HYCC1: variants seen among roughly 807,000 people sequenced by gnomAD.
The protein encoded by HYCC1 is hyccin PI4KA lipid kinase complex subunit 1, also known as hyccin.
chr7:22,928,888 T>A, the HYCC1 span, among the ~76,000 whole-genome samples: 1 of 151,716 alleles, frequency 6.6e-6, no homozygotes, highest in African/African-American at 2.4e-5. Flanking sequence ...GCCAAGTCAA[T>A]CCTAAGCCAA....
the HYCC1 span, chr7:22,942,425 G>C: frequency 6.6e-6 from 1 of 152,136 alleles, no homozygotes; most frequent in Admixed American, 6.6e-5. Context: ...GAAGGGAAGG[G>C]AAGACATTTG....
the HYCC1 span, chr7:23,013,783 C>T: frequency 2.8e-6 from 1 of 361,492 alleles, no homozygotes; most frequent in Non-Finnish European, 5.6e-6. Flanking sequence ...GGAGCCGTTA[C>T]CCCCAGTGGA....
the HYCC1 span, chr7:22,976,446 C>T: frequency 5.7e-6 from 4 of 702,354 alleles, no homozygotes; most frequent in South Asian, 1.8e-5. Context: ...TAATGAAAAA[C>T]TACAAGGAAA....
At chr7:22,986,895 C>G in the HYCC1 span, among the ~76,000 whole-genome samples, 1 of 152,056 alleles carries the variant, frequency 6.6e-6, no homozygotes, top group Non-Finnish European at 1.5e-5. Context: ...ATGCCTCATA[C>G]TAAAGTATCA....
chr7:22,954,601 T>C, the HYCC1 span, among the ~76,000 whole-genome samples: 1 of 151,532 alleles, frequency 6.6e-6, no homozygotes, highest in Non-Finnish European at 1.5e-5. Flanking sequence ...TTTAACAACA[T>C]GAAACTGTAC....
chr7:22,927,191 AG>A, the HYCC1 span, among the ~76,000 whole-genome samples: 2 of 152,256 alleles, frequency 1.3e-5, no homozygotes, highest in African/African-American at 4.8e-5. Context: ...AAGTGTGTAG[AG>A]GGAAATTTAT....
At chr7:22,914,235 C>G in the HYCC1 span, among the ~76,000 whole-genome samples, 2 of 152,194 alleles carry the variant, frequency 1.3e-5, no homozygotes, top group African/African-American at 4.8e-5. Flanking sequence ...GGTCATTCAC[C>G]CACATTCCCT....
chr7:22,920,141 A>T, the HYCC1 span, among the ~76,000 whole-genome samples: 4 of 152,082 alleles, frequency 2.6e-5, no homozygotes, highest in Admixed American at 2.6e-4. Flanking sequence ...TAGCCTTGAC[A>T]ACATAGGGTG....
the HYCC1 span, among the ~76,000 whole-genome samples, chr7:23,013,467 G>A: frequency 6.6e-6 from 1 of 152,226 alleles, no homozygotes; most frequent in African/African-American, 2.4e-5. Context: ...GGCGCGAGTG[G>A]GAGAGGAGGC....
chr7:22,967,120 T>C, the HYCC1 span, among the ~76,000 whole-genome samples: 1 of 152,204 alleles, frequency 6.6e-6, no homozygotes, highest in Non-Finnish European at 1.5e-5. Flanking sequence ...TTATTAAAGA[T>C]TGATACTGTG....
At chr7:22,905,905 G>A in the HYCC1 span, among the ~76,000 whole-genome samples, 2 of 152,174 alleles carry the variant, frequency 1.3e-5, no homozygotes, top group African/African-American at 4.8e-5. Flanking sequence ...TTATTGTTGT[G>A]TGAGAAGATG....
At chr7:22,897,739 G>C in the HYCC1 span, among the ~76,000 whole-genome samples, 1 of 151,918 alleles carries the variant, frequency 6.6e-6, no homozygotes, top group Non-Finnish European at 1.5e-5. Context: ...CCAAGTAGCT[G>C]AGGCTACAGG....
the HYCC1 span, among the ~76,000 whole-genome samples, chr7:22,993,525 A>G: frequency 6.6e-6 from 1 of 152,194 alleles, no homozygotes; most frequent in Non-Finnish European, 1.5e-5. Context: ...TATCCAGAAT[A>G]TATAAGGAAC....
chr7:22,924,310 C>A, the HYCC1 span, among the ~76,000 whole-genome samples: 1 of 152,110 alleles, frequency 6.6e-6, no homozygotes, highest in Non-Finnish European at 1.5e-5. Context: ...GGGTTCATCT[C>A]ACTGGGGAGT....
chr7:22,967,641 G>A, the HYCC1 span, among the ~76,000 whole-genome samples: 3 of 152,196 alleles, frequency 2.0e-5, no homozygotes, highest in African/African-American at 7.2e-5. Flanking sequence ...ATTGAAACTG[G>A]AGATGGGTGG....
At chr7:22,932,701 T>G in the HYCC1 span, among the ~76,000 whole-genome samples, 1 of 152,180 alleles carries the variant, frequency 6.6e-6, no homozygotes, top group Non-Finnish European at 1.5e-5. Flanking sequence ...GGGCTAAGAC[T>G]TTGAAGGATG....
chr7:22,919,945 T>C, the HYCC1 span, among the ~76,000 whole-genome samples: 18 of 152,206 alleles, frequency 1.2e-4, no homozygotes, highest in African/African-American at 4.3e-4. Flanking sequence ...TTAATCTACA[T>C]ATCTGAGCTC....
chr7:22,939,374 T>G, the HYCC1 span: 1 of 152,176 alleles, frequency 6.6e-6, no homozygotes, highest in African/African-American at 2.4e-5. Flanking sequence ...TCTACAGTCC[T>G]GCTAATCATC....
chr7:22,989,230 C>A, the HYCC1 span, among the ~76,000 whole-genome samples: 43 of 150,450 alleles, frequency 2.9e-4, no homozygotes, highest in Non-Finnish European at 5.6e-4. Flanking sequence ...ATCAATCTGC[C>A]AAAAAAAAGC....
Sources: allele counts gnomAD v4.1 joint callset (sites outside exome capture counted in the v4.1 genomes callset), GRCh38; gene constraint gnomAD v4.1.1; transcripts MANE v1.5; gene names NCBI Gene and HGNC (gene_info 2026-07-23, HGNC 2026-07-21).